Variants in SLC35F4 observed in about 807,000 individuals in gnomAD.
SLC35F4 encodes the protein solute carrier family 35 member F4, also known as chromosome 14 open reading frame 36.
SLC35F4 carries 24 observed loss-of-function variants against 44.2 expected under a neutral mutation model. That is an observed-to-expected ratio of 0.54 (90% CI 0.39 to 0.76). The LOEUF (loss-of-function observed/expected upper bound fraction) is 0.76. Ranked by LOEUF, SLC35F4 falls within the 30% of genes least tolerant of loss-of-function variation. The probability of loss-of-function intolerance (pLI) is 0.00; values close to 1 mark genes in which losing one functional copy is unlikely to be tolerated. For missense variants in SLC35F4, 562 were observed against 586.1 expected (o/e 0.96, Z 0.42); for synonymous variants, 238 against 223.6 (o/e 1.06, Z -0.57).
rs1449571011 is a variant in SLC35F4 at position 57,735,623 on chromosome 14, A to G, written c.103+130100T>C. Among the ~76,000 whole-genome samples the G allele has an allele frequency of 2.6e-5, 4 of 152,208 alleles. No homozygotes were observed. The East Asian group carries it at 7.7e-4, about 29-fold the overall frequency. On this transcript the variant is annotated intron_variant, in intron 1 of 7. Coordinates refer to ENST00000556826, the MANE Select transcript of SLC35F4 (RefSeq NM_001306087.2). ...TCTGAAGTAGTATAAAGTAAAAAGT[A>G]CAATGTTCCTCAAGGCCTCACCCTG...
At chr14:57,644,191 A>C (rs933856480) in intron 1 of SLC35F4, among the ~76,000 whole-genome samples, 16 of 152,334 alleles carry the variant, frequency 1.1e-4, no homozygotes, top group African/African-American at 3.8e-4. Context: ...AGGAATCGCC[A>C]CACTGACTTC....
chr14:57,694,592 T>C (rs749837719), intron 1 of SLC35F4, among the ~76,000 whole-genome samples: 1 of 152,202 alleles, frequency 6.6e-6, no homozygotes, highest in Non-Finnish European at 1.5e-5. Flanking sequence ...GAGAGTTTGA[T>C]AGATATTTCA....
At position 57,964,197 on chromosome 14, in the gene SLC35F4, A is replaced by C. The variant is rs561583932; in HGVS notation, n.282+17716T>G. 3.9e-4 allele frequency among the ~76,000 whole-genome samples: 59 copies of C among 152,274 alleles called. 1 individual carries two copies. The South Asian group carries it at 0.011, about 28-fold the overall frequency. On this transcript the variant is annotated intron_variant and non_coding_transcript_variant, in intron 1 of 1. Transcript: ENST00000556568. The stretch of plus-strand genomic sequence containing the variant: ...GAGGAGGAAAGAGCCATGAGGAAGA[A>C]AGAGAGGAAGCTAGCTTGGCTAGCT...
intron 1 of SLC35F4, among the ~76,000 whole-genome samples, chr14:57,657,859 G>GT (rs2074016195): frequency 6.6e-6 from 1 of 152,194 alleles, no homozygotes; most frequent in African/African-American, 2.4e-5. Flanking sequence ...TTAGTTCTGT[G>GT]TTTGTCACTA....
intron 1 of SLC35F4, among the ~76,000 whole-genome samples, chr14:57,714,521 A>T (rs1252892793): frequency 6.6e-6 from 1 of 152,206 alleles, no homozygotes; most frequent in African/African-American, 2.4e-5. Flanking sequence ...TAGTTTAATT[A>T]AACAAGGATA....
chr14:57,769,742 T>A (rs1353532971), intron 1 of SLC35F4, among the ~76,000 whole-genome samples: 1 of 152,192 alleles, frequency 6.6e-6, no homozygotes, highest in Non-Finnish European at 1.5e-5. Flanking sequence ...AAAGGATACT[T>A]TATACAATGT....
intron 1 of SLC35F4, among the ~76,000 whole-genome samples, chr14:57,952,845 C>T (rs975867432): frequency 1.3e-5 from 2 of 151,194 alleles, no homozygotes; most frequent in African/African-American, 2.4e-5. Context: ...GAGAATGGAA[C>T]CAAATTGGAA....
At chr14:57,837,939 C>T (rs181357408) in intron 1 of SLC35F4, among the ~76,000 whole-genome samples, 7 of 152,266 alleles carry the variant, frequency 4.6e-5, no homozygotes, top group African/African-American at 9.6e-5. Context: ...CATGCTTTTC[C>T]GTTTTATGGT....
intron 1 of SLC35F4, among the ~76,000 whole-genome samples, chr14:57,746,943 T>C (rs1253815484): frequency 1.3e-5 from 2 of 152,160 alleles, no homozygotes; most frequent in African/African-American, 4.8e-5. Context: ...GCCATCTACC[T>C]GCCATCTCCT....
intron 1 of SLC35F4, among the ~76,000 whole-genome samples, chr14:57,762,763 G>A (rs1417691063): frequency 6.6e-6 from 1 of 151,988 alleles, no homozygotes; most frequent in African/African-American, 2.4e-5. Flanking sequence ...ACTATATGAT[G>A]CCTTCTACCA....
At chr14:57,749,964 G>A (rs1431711408) in intron 1 of SLC35F4, among the ~76,000 whole-genome samples, 3 of 151,512 alleles carry the variant, frequency 2.0e-5, no homozygotes, top group Admixed American at 1.3e-4. Flanking sequence ...TAGTGATCAA[G>A]TCAGGGATTT....
chr14:57,583,151 C>T (rs1050831361), intron 3 of SLC35F4, among the ~76,000 whole-genome samples: 2 of 152,204 alleles, frequency 1.3e-5, no homozygotes, highest in African/African-American at 4.8e-5. Flanking sequence ...TACACACGCT[C>T]ACATACACAG....
chr14:57,667,226 A>C (rs2074341063), intron 1 of SLC35F4, among the ~76,000 whole-genome samples: 1 of 151,974 alleles, frequency 6.6e-6, no homozygotes, highest in East Asian at 1.9e-4. Context: ...GGGAAGGAGA[A>C]GGAGAGAGAC....
chr14:57,926,560 G>A (rs1889574196), intron 1 of SLC35F4, among the ~76,000 whole-genome samples: 1 of 152,108 alleles, frequency 6.6e-6, no homozygotes, highest in South Asian at 2.1e-4. Flanking sequence ...GCAAGTTGGG[G>A]GGGAATTTAT....
At chr14:57,933,250 T>C (rs1889733531) in intron 1 of SLC35F4, among the ~76,000 whole-genome samples, 1 of 152,004 alleles carries the variant, frequency 6.6e-6, no homozygotes, top group African/African-American at 2.4e-5. Flanking sequence ...CTTGAGCTCC[T>C]GACCTCAGGT....
intron 1 of SLC35F4, among the ~76,000 whole-genome samples, chr14:57,723,405 T>G (rs1013339468): frequency 6.6e-6 from 1 of 152,212 alleles, no homozygotes; most frequent in Non-Finnish European, 1.5e-5. Flanking sequence ...AGTGCCACCA[T>G]CAAGGACTTG....
intron 1 of SLC35F4, among the ~76,000 whole-genome samples, chr14:57,823,853 A>C (rs1171292835): frequency 6.6e-6 from 1 of 152,324 alleles, no homozygotes; most frequent in East Asian, 1.9e-4. Flanking sequence ...ACATGGAAAA[A>C]ATAACAAAAT....
At chr14:57,659,639 A>G (rs1391234700) in intron 1 of SLC35F4, among the ~76,000 whole-genome samples, 2 of 152,190 alleles carry the variant, frequency 1.3e-5, no homozygotes, top group Non-Finnish European at 2.9e-5. Context: ...ATTTAATCCT[A>G]GATGATGTGG....
At chr14:57,627,011 C>G (rs1377682828) in intron 1 of SLC35F4, among the ~76,000 whole-genome samples, 1 of 152,096 alleles carries the variant, frequency 6.6e-6, no homozygotes, top group African/African-American at 2.4e-5. Flanking sequence ...TCAAATGCTC[C>G]TACTTCTTCT....
Sources: gnomAD v4.1 joint callset for allele counts (sites outside exome capture counted in the v4.1 genomes callset) on GRCh38, gnomAD v4.1.1 for gene constraint, MANE v1.5 for transcripts, NCBI Gene and HGNC (gene_info 2026-07-23, HGNC 2026-07-21) for gene names.